The following SERPINB7 variants were observed in gnomAD, a reference collection of about 807,000 sequenced individuals.
The protein encoded by SERPINB7 is serpin B7.
In SERPINB7, 31 loss-of-function variants were observed where a neutral mutation model predicts 37.4. The ratio of observed to expected loss-of-function variants is 0.83; its 90% confidence interval spans 0.62 to 1.12. The LOEUF is 1.12. Among genes scored for constraint, SERPINB7 ranks in the 50% most tolerant of loss-of-function variants. The pLI, the probability that SERPINB7 is intolerant of heterozygous loss-of-function variation, is 0.00. For synonymous variants in SERPINB7, 163 were observed against 166.1 expected (o/e 0.98, Z 0.14); for missense variants, 521 against 455.3 (o/e 1.14, Z -1.31).
chr18:63,801,011 A>C lies in SERPINB7; in HGVS notation c.743A>C (p.Glu248Ala). ...YVLLPENDLS[E>A]IENKLTFQNL... Reference sequence around the variant, plus strand: ...CTGCTGCCTGAGAATGACCTCTCTGAAGTAAGTTACGACTGTCATTTTCAC... The same window carrying C: ...CTGCTGCCTGAGAATGACCTCTCTGCAGTAAGTTACGACTGTCATTTTCAC... Residue 248 changes from glutamate to alanine, a missense_variant and splice_region_variant, in exon 7 of 8, where the codon GAA becomes GCA. Physicochemically the swap from Glu to Ala is moderately radical, Grantham distance 107. Coordinates refer to ENST00000398019, the MANE Select transcript of SERPINB7 (RefSeq NM_003784.4). 6.2e-7 allele frequency: 1 copy of C among 1,612,918 alleles called. No individual in the cohort carries two copies. The highest frequency in any genetic ancestry group is 1.1e-5 in the South Asian group (1 of 90,732).
intron 1 of SERPINB7, among the ~76,000 whole-genome samples, chr18:63,758,310 G>A (rs2049133210): frequency 6.6e-6 from 1 of 152,102 alleles, no homozygotes; most frequent in South Asian, 2.1e-4. Flanking sequence ...CAACAGCAAT[G>A]GAACAGATAT....
At position 63,793,236 on chromosome 18, in the gene SERPINB7, G is replaced by C; in HGVS notation, c.295G>C (p.Val99Leu). The C allele has an allele frequency of 6.2e-7, 1 of 1,607,408 alleles. No individual in the cohort carries two copies. The highest frequency in any genetic ancestry group is 1.1e-5 in the South Asian group (1 of 89,846). ...ASHKDYDLSI[V>L]NGLFAEKVYG... ...CCACAAGGATTATGATCTCAGCATT[G>C]TGAATGGGCTTTTTGCTGAAAAAGT... is the stretch of plus-strand genomic sequence containing the variant. Residue 99 changes from valine (V) to leucine (L), a missense_variant, in exon 4 of 8, where the codon GTG (valine) becomes CTG (leucine). Transcript: ENST00000398019.
intron 2 of SERPINB7, among the ~76,000 whole-genome samples, chr18:63,786,304 C>T (rs112975885): frequency 2.0e-5 from 3 of 146,588 alleles, no homozygotes; most frequent in South Asian, 2.1e-4. Context: ...TTGGATTACA[C>T]GTTTGGATTA....
intron 1 of SERPINB7, among the ~76,000 whole-genome samples, chr18:63,770,412 T>C (rs1342001810): frequency 6.6e-6 from 1 of 151,982 alleles, no homozygotes; most frequent in Non-Finnish European, 1.5e-5. Context: ...ATAGTTACTC[T>C]ATGGCTTTTG....
At chr18:63,792,221 T>C (rs1209203368) in intron 2 of SERPINB7, among the ~76,000 whole-genome samples, 172 bp from the exon 3 acceptor site, 1 of 152,224 alleles carries the variant, frequency 6.6e-6, no homozygotes, top group Non-Finnish European at 1.5e-5. Context: ...CAAGTATGCC[T>C]GTTGATGTGC....
chr18:63,803,100 C>T lies in SERPINB7; in HGVS notation c.745-1137C>T, dbSNP rs1353460599. On this transcript the variant is annotated intron_variant, in intron 7 of 7. Transcript: ENST00000398019. ...ATAGTTTTATTCTTGCACTTACTGT[C>T]TGAATTTTCCTTTTCAGTAATAGAT... Among the ~76,000 whole-genome samples the T allele has an allele frequency of 2.6e-5, 4 of 152,256 alleles. No individual in the cohort carries two copies. The East Asian group carries it at 7.7e-4, about 29-fold the overall frequency.
chr18:63,765,783 C>G (rs2049177610), intron 1 of SERPINB7, among the ~76,000 whole-genome samples: 1 of 152,144 alleles, frequency 6.6e-6, no homozygotes, highest in Non-Finnish European at 1.5e-5. Flanking sequence ...TCCTATTATT[C>G]TCTTTCTAGA....
Position 63,804,642 on chromosome 18 carries a change from A to G in SERPINB7, c.*7A>G, listed in dbSNP as rs2049588746. 1.9e-6 allele frequency: 3 copies of G among 1,598,244 alleles called. No individual in the cohort carries two copies. Among genetic ancestry groups the G allele is most frequent in the Admixed American group, 1.7e-5 (1 of 58,674 alleles). Reference sequence around the variant, plus strand: ...CAAAGTTTCTTGCCCTTGAAAATCCAATTGGTTTCTGTTATAGCAGTCCCC... The same window carrying G: ...CAAAGTTTCTTGCCCTTGAAAATCCGATTGGTTTCTGTTATAGCAGTCCCC... On this transcript the variant is annotated 3_prime_UTR_variant, in exon 8 of 8. Transcript: ENST00000398019.
rs559170524 is a variant in SERPINB7, at chr18:63,759,255, AAAAG to A, written c.-19+6136_-19+6139del. On this transcript the variant is annotated intron_variant, in intron 1 of 7. Coordinates refer to the SERPINB7 transcript ENST00000336429. ...GATTTGTAATCTGAATTAAAAAAAA[AAAAG>A]TGAGTAGGCAAGGGTCAGTAATGCC... is the stretch of plus-strand genomic sequence containing the variant. Among the ~76,000 whole-genome samples, 1,133 of 152,278 alleles carry A rather than the reference AAAAG, an allele frequency of 7.4e-3. 16 individuals are homozygous for A. Among genetic ancestry groups the A allele is most frequent in the African/African-American group, 0.025 (1,057 of 41,550 alleles).
chr18:63,755,918 G>A (rs1054222492), intron 1 of SERPINB7, among the ~76,000 whole-genome samples: 4 of 151,974 alleles, frequency 2.6e-5, no homozygotes, highest in Non-Finnish European at 5.9e-5. Context: ...CTATTCAACT[G>A]TTGACATTAA....
chr18:63,793,103 A>T, intron 3 of SERPINB7, 58 bp from the exon 4 acceptor site: 1 of 866,206 alleles, frequency 1.2e-6, no homozygotes, highest in East Asian at 2.6e-5. Context: ...TGTGTAAGTG[A>T]GATTATGCAT....
upstream of SERPINB7, among the ~76,000 whole-genome samples, chr18:63,772,965 T>C (rs76015511): frequency 2.3e-3 from 356 of 152,164 alleles, 2 homozygotes; most frequent in African/African-American, 7.8e-3. Context: ...CGATTATTCA[T>C]GTCAAAAGTA....
chr18:63,778,495 G>A (rs769712331), intron 1 of SERPINB7, among the ~76,000 whole-genome samples: 2 of 151,718 alleles, frequency 1.3e-5, no homozygotes, highest in South Asian at 2.1e-4. Flanking sequence ...CTATATACAG[G>A]CAAAAGTATC....
chr18:63,802,010 G>A (rs1027101373), intron 7 of SERPINB7, among the ~76,000 whole-genome samples: 1 of 152,116 alleles, frequency 6.6e-6, no homozygotes, highest in Non-Finnish European at 1.5e-5. Flanking sequence ...TATGATCCTT[G>A]CTTTACATTC....
intron 2 of SERPINB7, among the ~76,000 whole-genome samples, chr18:63,787,226 G>A (rs1417337050): frequency 1.3e-5 from 2 of 152,076 alleles, no homozygotes; most frequent in Non-Finnish European, 2.9e-5. Flanking sequence ...TTGGATTTTG[G>A]ATTAGGATGC....
chr18:63,779,954 A>G (rs2049286125), intron 1 of SERPINB7, among the ~76,000 whole-genome samples: 1 of 152,164 alleles, frequency 6.6e-6, no homozygotes, highest in Non-Finnish European at 1.5e-5. Flanking sequence ...ATCTTAAAGT[A>G]TATTTTTGCA....
At chr18:63,764,381 T>C (rs2144588638) in intron 1 of SERPINB7, among the ~76,000 whole-genome samples, 1 of 152,308 alleles carries the variant, frequency 6.6e-6, no homozygotes, top group African/African-American at 2.4e-5. Flanking sequence ...ACAAAGTGGT[T>C]TGGCCCTTTC....
intron 1 of SERPINB7, among the ~76,000 whole-genome samples, chr18:63,776,700 C>T (rs9966249): frequency 2.5e-4 from 38 of 150,646 alleles, no homozygotes; most frequent in Non-Finnish European, 5.5e-4. Context: ...TCCCAATGGA[C>T]GTCTAACAAG....
chr18:63,753,797 A>T (rs1383469201), intron 1 of SERPINB7, among the ~76,000 whole-genome samples: 3 of 152,204 alleles, frequency 2.0e-5, no homozygotes, highest in Non-Finnish European at 4.4e-5. Context: ...ATTTTTTAGT[A>T]ATATGAGGCA....
Sources: allele counts gnomAD v4.1 joint callset (sites outside exome capture counted in the v4.1 genomes callset), GRCh38; gene constraint gnomAD v4.1.1; transcripts MANE v1.5; gene names NCBI Gene and HGNC (gene_info 2026-07-23, HGNC 2026-07-21).